The following CDK14 variants were observed in gnomAD, a reference collection of about 807,000 sequenced individuals.
CDK14 encodes the protein cyclin-dependent kinase 14.
Under a neutral mutation model 60.7 loss-of-function variants are expected in CDK14, and 34 were observed. The ratio of observed to expected loss-of-function variants is 0.56; its 90% confidence interval spans 0.43 to 0.75. The LOEUF is 0.75. Among genes scored for constraint, CDK14 ranks in the 30% least tolerant of loss-of-function variants. The pLI, the probability that CDK14 is intolerant of heterozygous loss-of-function variation, is 0.00. For missense variants in CDK14, 482 were observed against 564.1 expected (o/e 0.85, Z 1.47); for synonymous variants, 197 against 203.7 (o/e 0.97, Z 0.28).
At chr7:90,830,970 A>G (rs1049717583) in intron 5 of CDK14, among the ~76,000 whole-genome samples, 13 of 152,188 alleles carry the variant, frequency 8.5e-5, no homozygotes, top group Non-Finnish European at 1.3e-4. Context: ...CCATATCACT[A>G]TCAGCATTTT....
At chr7:90,808,966 T>C (rs868544866) in intron 5 of CDK14, among the ~76,000 whole-genome samples, 1 of 152,310 alleles carries the variant, frequency 6.6e-6, no homozygotes, top group South Asian at 2.1e-4. Context: ...CCCAGATTCA[T>C]AAAGCAAGTC....
intron 3 of CDK14, among the ~76,000 whole-genome samples, chr7:90,746,851 TAA>T (rs1489158160): frequency 1.3e-5 from 2 of 152,204 alleles, no homozygotes; most frequent in African/African-American, 2.4e-5. Context: ...TATGTATATA[TAA>T]GAGAGTTCCA....
rs1426716540 is a variant in CDK14 at position 90,596,491 on chromosome 7, C to T, written c.-137C>T. 3.0e-6 allele frequency: 2 copies of T among 674,016 alleles called. No individual in the cohort carries two copies. Among genetic ancestry groups the T allele is most frequent in the South Asian group, 1.7e-5 (1 of 57,526 alleles). 41.8% of individuals were successfully genotyped at this position (674,016 alleles called of 1,614,324 possible). On this transcript the variant is annotated 5_prime_UTR_variant, in exon 1 of 15. Transcript: ENST00000380050. ...CCTGCCTGCTGCTCGCCTCCCTAGA[C>T]CTGCGCGTCGCTTCCCGGCCCGCCG...
intron 10 of CDK14, among the ~76,000 whole-genome samples, chr7:91,042,306 C>T (rs1797113998): frequency 6.6e-6 from 1 of 152,122 alleles, no homozygotes; most frequent in African/African-American, 2.4e-5. Flanking sequence ...CAAACCATGA[C>T]TCAGTGTTCC....
intron 3 of CDK14, among the ~76,000 whole-genome samples, chr7:90,747,329 G>T (rs1190815322): frequency 1.3e-5 from 2 of 151,958 alleles, no homozygotes; most frequent in East Asian, 3.9e-4. Flanking sequence ...ATAATTGATT[G>T]AATAAAAAAA....
chr7:91,089,826 A>G (rs1025137358), intron 12 of CDK14, among the ~76,000 whole-genome samples: 10 of 152,158 alleles, frequency 6.6e-5, no homozygotes, highest in Non-Finnish European at 1.2e-4. Context: ...AAATGGGACT[A>G]AGCACATCAT....
At chr7:90,807,680 G>A (rs772880803) in intron 5 of CDK14, among the ~76,000 whole-genome samples, 2 of 152,206 alleles carry the variant, frequency 1.3e-5, no homozygotes, top group African/African-American at 4.8e-5. Flanking sequence ...ACTAAAGGAG[G>A]AAGTCCGAAC....
chr7:90,819,531 T>A (rs11761933), intron 5 of CDK14, among the ~76,000 whole-genome samples: 1 of 152,016 alleles, frequency 6.6e-6, no homozygotes, highest in South Asian at 2.1e-4. Flanking sequence ...TAGAAAATTG[T>A]GTTCTTTTTA....
intron 5 of CDK14, among the ~76,000 whole-genome samples, chr7:90,852,474 C>G (rs1184407939): frequency 6.8e-6 from 1 of 147,798 alleles, no homozygotes; most frequent in African/African-American, 2.5e-5. Flanking sequence ...GCTGCATTAG[C>G]TGGAATAATG....
At chr7:91,126,642 CAG>C (rs1009744683) in intron 14 of CDK14, among the ~76,000 whole-genome samples, 1 of 152,100 alleles carries the variant, frequency 6.6e-6, no homozygotes, top group Non-Finnish European at 1.5e-5. Flanking sequence ...TGGCACATCT[CAG>C]AGGTGTAGCT....
chr7:90,958,095 G>A (rs1262350991), intron 9 of CDK14, among the ~76,000 whole-genome samples: 4 of 151,964 alleles, frequency 2.6e-5, no homozygotes, highest in African/African-American at 4.8e-5. Flanking sequence ...TCTACCCCCC[G>A]TAATCTTGGC....
rs572503745 is a variant in CDK14 at position 91,197,317 on chromosome 7, G to A, written c.*29-9848G>A. On this transcript the variant is annotated intron_variant, in intron 14 of 14. Transcript: ENST00000380050. ...CTGGAGGCTGGGGCAGGAGAATCAC[G>A]TGAACCCAGGAGGCAGAGGTTGCAG... Among the ~76,000 whole-genome samples the A allele has an allele frequency of 3.3e-5, 5 of 149,960 alleles. No homozygotes were observed. The East Asian group carries it at 5.9e-4, about 18-fold the overall frequency.
chr7:90,807,164 G>A (rs1210410569), intron 5 of CDK14, among the ~76,000 whole-genome samples: 3 of 152,224 alleles, frequency 2.0e-5, no homozygotes, highest in African/African-American at 4.8e-5. Context: ...TGGACAGACT[G>A]CCTCCTCAAG....
intron 2 of CDK14, among the ~76,000 whole-genome samples, chr7:90,631,417 G>C (rs1418826393): frequency 6.6e-6 from 1 of 152,334 alleles, no homozygotes; most frequent in East Asian, 1.9e-4. Flanking sequence ...GTATGAGGTA[G>C]AGTGGGGAAG....
At chr7:90,959,024 TC>T (rs1179118182) in intron 9 of CDK14, among the ~76,000 whole-genome samples, 1 of 152,186 alleles carries the variant, frequency 6.6e-6, no homozygotes, top group Non-Finnish European at 1.5e-5. Context: ...TGCTACTTTT[TC>T]TTGCCCGTGT....
intron 9 of CDK14, among the ~76,000 whole-genome samples, chr7:90,958,449 C>T (rs1047185890): frequency 6.6e-6 from 1 of 152,096 alleles, no homozygotes; most frequent in Admixed American, 6.6e-5. Flanking sequence ...TATTCTAAAA[C>T]ACTGAGACTA....
Position 90,658,523 on chromosome 7 carries a change from G to A in CDK14, c.123+54274G>A, listed in dbSNP as rs557164079. Among the ~76,000 whole-genome samples, 9 of 152,300 alleles carry A rather than the reference G, an allele frequency of 5.9e-5. No individual in the cohort carries two copies. The South Asian group carries it at 8.3e-4, about 14-fold the overall frequency. Reference sequence around the variant, plus strand: ...TAGATTACAACATACGGATTTTGGAGCGAGGAGCATAAATGTTCAGATCTT... The same window carrying A: ...TAGATTACAACATACGGATTTTGGAACGAGGAGCATAAATGTTCAGATCTT... On this transcript the variant is annotated intron_variant, in intron 2 of 14. Coordinates refer to ENST00000380050, the MANE Select transcript of CDK14 (RefSeq NM_001287135.2).
At chr7:91,124,333 T>G (rs900444248) in intron 14 of CDK14, among the ~76,000 whole-genome samples, 3 of 152,208 alleles carry the variant, frequency 2.0e-5, no homozygotes, top group Non-Finnish European at 2.9e-5. Flanking sequence ...ATCATATTAA[T>G]TCTCTCCGCC....
intron 12 of CDK14, among the ~76,000 whole-genome samples, chr7:91,110,559 T>C (rs1799441779): frequency 6.6e-6 from 1 of 152,208 alleles, no homozygotes; most frequent in African/African-American, 2.4e-5. Context: ...GCTTTGTATT[T>C]CATGTTTTTT....
Sources: allele counts gnomAD v4.1 joint callset (sites outside exome capture counted in the v4.1 genomes callset), GRCh38; gene constraint gnomAD v4.1.1; transcripts MANE v1.5; gene names NCBI Gene and HGNC (gene_info 2026-07-23, HGNC 2026-07-21).